The following SLC5A12 variants were observed in gnomAD, a reference collection of about 807,000 sequenced individuals.
The protein encoded by SLC5A12 is solute carrier family 5 member 12.
Under a neutral mutation model 72.7 loss-of-function variants are expected in SLC5A12, and 46 were observed. That is an observed-to-expected ratio of 0.63 (90% confidence interval 0.50 to 0.81). The LOEUF (loss-of-function observed/expected upper bound fraction) is 0.81, where lower values mean the gene tolerates loss of function less well. SLC5A12 is among the 30% of genes least tolerant of loss of function. The probability of loss-of-function intolerance (pLI) is 0.00; values close to 1 mark genes in which losing one functional copy is unlikely to be tolerated. For synonymous variants in SLC5A12, 275 were observed against 264.4 expected, an observed-to-expected ratio of 1.04 and a Z score of -0.39; for missense variants, 683 against 740.7, an observed-to-expected ratio of 0.92 and a Z score of 0.90.
chr11:26,671,883 G>A (rs1487199392), intron 14 of SLC5A12, among the ~76,000 whole-genome samples: 1 of 152,006 alleles, frequency 6.6e-6, no homozygotes, highest in Non-Finnish European at 1.5e-5. Flanking sequence ...CAAACAATAG[G>A]CTGCTTAACC....
chr11:26,690,506 C>T (rs1475952480), intron 9 of SLC5A12, among the ~76,000 whole-genome samples: 1 of 151,262 alleles, frequency 6.6e-6, no homozygotes, highest in Non-Finnish European at 1.5e-5. Context: ...GGAAAGTGAA[C>T]TATATAAGAA....
Position 26,669,185 on chromosome 11 carries a change from T to TTCTTTC in SLC5A12, c.*1916_*1917insGAAAGA, listed in dbSNP as rs1491048504. 1 of 82,450 alleles carries TTCTTTC rather than the reference T, an allele frequency of 1.2e-5. No homozygotes were observed. The highest frequency in any genetic ancestry group is 3.0e-5 in the Non-Finnish European group (1 of 33,008). 5.1% of individuals were successfully genotyped at this position (82,450 alleles called of 1,614,324 possible). On this transcript the variant is annotated 3_prime_UTR_variant, in exon 15 of 15. Transcript: ENST00000396005. The stretch of plus-strand genomic sequence containing the variant: ...CCTGTCTTTTTCTTTCTTTCTTTCT[T>TTCTTTC]CTTTTCTTTCTTTCTTTCTTTCTTT...
At chr11:26,696,501 T>C (rs1854817308) in intron 8 of SLC5A12, among the ~76,000 whole-genome samples, 2 of 152,338 alleles carry the variant, frequency 1.3e-5, no homozygotes, top group Admixed American at 1.3e-4. Context: ...TTCATCATTG[T>C]GCAAACATCA....
rs138842617 is a variant in SLC5A12 at position 26,712,668 on chromosome 11, A to C, written c.378T>G (p.Ala126=). Residue 126 remains alanine (A), a synonymous_variant, in exon 2 of 15, where the codon GCT becomes GCG. Transcript: ENST00000396005. ...QLRFNKPVRY[A]ATVIYIVQTI... ...TCTGTACAATGTAGATGACCGTGGC[A>C]GCATAGCGAACTGGTTTGTTGAATC... 110 of 1,591,086 alleles carry C rather than the reference A, an allele frequency of 6.9e-5. 2 individuals are homozygous for C. In the Middle Eastern group the frequency reaches 1.9e-3, roughly 27 times the overall value.
intron 9 of SLC5A12, among the ~76,000 whole-genome samples, chr11:26,691,446 C>T (rs1326630961): frequency 6.8e-6 from 1 of 147,714 alleles, no homozygotes; most frequent in Non-Finnish European, 1.5e-5. Context: ...CAGATGCAGT[C>T]GAAGGTTTAT....
intron 1 of SLC5A12, among the ~76,000 whole-genome samples, chr11:26,718,212 G>C (rs1027774842): frequency 2.0e-5 from 3 of 152,250 alleles, no homozygotes; most frequent in African/African-American, 7.2e-5. Context: ...CAACAACAAT[G>C]ATCATAATAA....
rs1033562034 is a variant in SLC5A12, at chr11:26,712,513, T to C, written c.405+128A>G. 2.5e-5 allele frequency: 13 copies of C among 523,044 alleles called. No individual in the cohort carries two copies. The East Asian group carries it at 4.2e-4, about 17-fold the overall frequency. 32.4% of individuals were successfully genotyped at this position (523,044 alleles called of 1,614,324 possible). A position where few individuals can be genotyped will look rare whatever the true frequency, so the allele number is the denominator to read the frequency against. On this transcript the variant is annotated intron_variant, in intron 2 of 14. Coordinates refer to ENST00000396005, the MANE Select transcript of SLC5A12 (RefSeq NM_178498.4). ...TTTTTAGTACATATTAAAAGTGCTATCTTTGGAAGAAAGTAGCGTCTTCTT... is the reference window on the plus strand; with the variant it reads ...TTTTTAGTACATATTAAAAGTGCTACCTTTGGAAGAAAGTAGCGTCTTCTT...
rs1243119141 is a variant in SLC5A12 at position 26,669,196 on chromosome 11, T to TTTCTTTCTTTCTTTCTTTCTTTC, written c.*1883_*1905dup. On this transcript the variant is annotated 3_prime_UTR_variant, in exon 15 of 15. Coordinates refer to ENST00000396005, the MANE Select transcript of SLC5A12 (RefSeq NM_178498.4). ...CTTTCTTTCTTTCTTCTTTTCTTTC[T>TTTCTTTCTTTCTTTCTTTCTTTC]TTCTTTCTTTCTTTCTTTCTTTCTC... is the stretch of plus-strand genomic sequence containing the variant. 2 of 60,870 alleles carry TTTCTTTCTTTCTTTCTTTCTTTC rather than the reference T, an allele frequency of 3.3e-5. No individual in the cohort carries two copies. Among genetic ancestry groups the TTTCTTTCTTTCTTTCTTTCTTTC allele is most frequent in the Non-Finnish European group, 8.2e-5 (2 of 24,446 alleles). The allele number at this position is 60,870 out of a possible 1,614,324, so 3.8% of individuals were successfully genotyped here. A position where few individuals can be genotyped will look rare whatever the true frequency, so the allele number is the denominator to read the frequency against.
chr11:26,708,271 G>A (rs978349688), intron 4 of SLC5A12, among the ~76,000 whole-genome samples: 16 of 151,952 alleles, frequency 1.1e-4, no homozygotes, highest in African/African-American at 3.9e-4. Flanking sequence ...AGGTACCTCA[G>A]AGCAACTAAT....
At chr11:26,716,546 G>A (rs1855353372) in intron 1 of SLC5A12, among the ~76,000 whole-genome samples, 1 of 152,090 alleles carries the variant, frequency 6.6e-6, no homozygotes, top group South Asian at 2.1e-4. Context: ...AAATACCTGA[G>A]GTGACATTTA....
chr11:26,673,790 T>C (rs1160284066), intron 13 of SLC5A12, among the ~76,000 whole-genome samples: 1 of 152,156 alleles, frequency 6.6e-6, no homozygotes, highest in African/African-American at 2.4e-5. Flanking sequence ...ATATCTATTA[T>C]AGAAAATGCT....
At chr11:26,690,317 A>T (rs1333588236) in intron 9 of SLC5A12, among the ~76,000 whole-genome samples, 1 of 152,204 alleles carries the variant, frequency 6.6e-6, no homozygotes, top group Non-Finnish European at 1.5e-5. Flanking sequence ...GAATTGTTCT[A>T]TCAGACATTT....
rs1362363392 is a variant in SLC5A12, at chr11:26,678,806, T to A, written c.1485A>T (p.Ile495=). Residue 495 remains isoleucine, a synonymous_variant, in exon 13 of 15, where the codon ATA becomes ATT. Coordinates refer to ENST00000396005, the MANE Select transcript of SLC5A12 (RefSeq NM_178498.4). ...AGGAGATCGAGTACCAGGTATCAGC[T>A]ATTCCAGGTCTGTGGAGAACAGCAC... ...GPPVLSSRPG[I]ADTWYSISYL... is the part of the protein sequence containing the mutation. The A allele has an allele frequency of 6.2e-7, 1 of 1,611,600 alleles. No individual in the cohort carries two copies. The highest frequency in any genetic ancestry group is 8.5e-7 in the Non-Finnish European group (1 of 1,178,190).
rs193076501 is a variant in SLC5A12 at position 26,719,188 on chromosome 11, G to A, written c.339+2188C>T. Among the ~76,000 whole-genome samples, 969 of 152,220 alleles carry A rather than the reference G, an allele frequency of 6.4e-3. 5 individuals carry two copies. The highest frequency in any genetic ancestry group is 0.01 in the Middle Eastern group (3 of 294). Reference sequence around the variant, plus strand: ...AATTGTTCAATAATTTTAAGACAGTGTTTTTATTTCATTTAATTTCTGGAA... The same window carrying A: ...AATTGTTCAATAATTTTAAGACAGTATTTTTATTTCATTTAATTTCTGGAA... On this transcript the variant is annotated intron_variant, in intron 1 of 14. Coordinates refer to ENST00000396005, the MANE Select transcript of SLC5A12 (RefSeq NM_178498.4).
Position 26,667,632 on chromosome 11 carries a change from C to G in SLC5A12, c.*3470G>C, listed in dbSNP as rs955804602. ...GTTTATTTATCAAGGTTTACATGTA[C>G]AAAATAATAATAAATCATAGTAATG... On this transcript the variant is annotated 3_prime_UTR_variant, in exon 15 of 15. Coordinates refer to ENST00000396005, the MANE Select transcript of SLC5A12 (RefSeq NM_178498.4). 4.6e-5 allele frequency: 7 copies of G among 151,688 alleles called. No individual in the cohort carries two copies. The highest frequency in any genetic ancestry group is 1.9e-4 in the East Asian group (1 of 5,162). The allele number at this position is 151,688 out of a possible 1,614,324, so 9.4% of individuals were successfully genotyped here. A position where few individuals can be genotyped will look rare whatever the true frequency, so the allele number is the denominator to read the frequency against.
At position 26,669,899 on chromosome 11, in the gene SLC5A12, A is replaced by T. The variant is rs1854098885; in HGVS notation, c.*1203T>A. Reference sequence around the variant, plus strand: ...TCCTAATATATGACTCTCAGATACAACTTTGTTTCTTATTATCTGTCCTCT... The same window carrying T: ...TCCTAATATATGACTCTCAGATACATCTTTGTTTCTTATTATCTGTCCTCT... On this transcript the variant is annotated 3_prime_UTR_variant, in exon 15 of 15. Transcript: ENST00000396005. 2 of 152,046 alleles carry T rather than the reference A, an allele frequency of 1.3e-5. No homozygotes were observed. The highest frequency in any genetic ancestry group is 1.3e-4 in the Admixed American group (2 of 15,238). 9.4% of individuals were successfully genotyped at this position (152,046 alleles called of 1,614,324 possible). A position where few individuals can be genotyped will look rare whatever the true frequency, so the allele number is the denominator to read the frequency against.
chr11:26,690,257 TA>T (rs1357777318), intron 9 of SLC5A12, among the ~76,000 whole-genome samples: 1 of 152,058 alleles, frequency 6.6e-6, no homozygotes, highest in Non-Finnish European at 1.5e-5. Context: ...AATTTTTTTG[TA>T]AAAATTATAA....
intron 4 of SLC5A12, 195 bp downstream of exon 4, chr11:26,709,117 C>G: frequency 2.3e-6 from 1 of 433,342 alleles, no homozygotes. Flanking sequence ...AGATTAAATT[C>G]TCCTAAAGGT....
At chr11:26,712,740 A>G (rs755701682) in intron 1 of SLC5A12, 34 bp from the exon 2 acceptor site, 2 of 1,518,028 alleles carry the variant, frequency 1.3e-6, no homozygotes, top group African/African-American at 1.4e-5. Context: ...AGAGTCAGTG[A>G]GGTTTAGATA....
Sources: allele counts gnomAD v4.1 joint callset (sites outside exome capture counted in the v4.1 genomes callset), GRCh38; gene constraint gnomAD v4.1.1; transcripts MANE v1.5; gene names NCBI Gene and HGNC (gene_info 2026-07-23, HGNC 2026-07-21).